SOCS7: variants seen among roughly 807,000 people sequenced by gnomAD.
SOCS7 encodes NAP-4.
SOCS7 carries 18 observed loss-of-function variants against 58.9 expected under a neutral mutation model. The observed-to-expected ratio is 0.31, with a 90% CI of 0.21 to 0.45. SOCS7 has a LOEUF of 0.45. Among genes scored for constraint, SOCS7 ranks in the 20% least tolerant of loss-of-function variants. SOCS7 has a pLI of 1.00. For missense variants in SOCS7, 667 were observed against 837.3 expected (o/e 0.80, Z 2.51); for synonymous variants, 388 against 364.3 (o/e 1.06, Z -0.74).
Position 38,401,271 on chromosome 17 carries a change from C to G in SOCS7, c.*1789C>G, listed in dbSNP as rs925512750. 18 of 152,066 alleles carry G rather than the reference C, an allele frequency of 1.2e-4. No homozygotes were observed. Among genetic ancestry groups the G allele is most frequent in the African/African-American group, 4.3e-4 (18 of 41,394 alleles). The allele number at this position is 152,066 out of a possible 1,614,324, so 9.4% of individuals were successfully genotyped here. On this transcript the variant is annotated 3_prime_UTR_variant, in exon 10 of 10. Coordinates refer to ENST00000612932, the MANE Select transcript of SOCS7 (RefSeq NM_014598.4). ...GTGGTACCTCTTCTTTCCTTGGCTT[C>G]CATGGTAGTATTATCAACTAAGCAA...
chr17:38,390,479 G>T (rs1211266913), intron 7 of SOCS7, among the ~76,000 whole-genome samples: 1 of 152,082 alleles, frequency 6.6e-6, no homozygotes, highest in Non-Finnish European at 1.5e-5. Context: ...CCCCATGTTG[G>T]CAAGAGTGTG....
intron 1 of SOCS7, among the ~76,000 whole-genome samples, chr17:38,359,938 C>A (rs1555567332): frequency 6.6e-6 from 1 of 151,694 alleles, no homozygotes; most frequent in Non-Finnish European, 1.5e-5. Flanking sequence ...CCACCACGCC[C>A]AGCTAATTTT....
At chr17:38,362,724 G>A (rs2037736177) in intron 2 of SOCS7, among the ~76,000 whole-genome samples, 1 of 152,176 alleles carries the variant, frequency 6.6e-6, no homozygotes, top group African/African-American at 2.4e-5. Context: ...TGGAGAAGGA[G>A]GTCTCTGTTC....
At chr17:38,391,540 A>G (rs2038173332) in intron 7 of SOCS7, among the ~76,000 whole-genome samples, 1 of 151,972 alleles carries the variant, frequency 6.6e-6, no homozygotes, top group Non-Finnish European at 1.5e-5. Context: ...ACTGTTGTGC[A>G]CCACAATGCC....
rs1384601548 is a variant in SOCS7, at chr17:38,352,982, G to T, written c.930G>T (p.Ala310=). 3 of 1,606,114 alleles carry T rather than the reference G, an allele frequency of 1.9e-6. No homozygotes were observed. The highest frequency in any genetic ancestry group is 2.5e-6 in the Non-Finnish European group (3 of 1,177,986). Residue 310 remains alanine, a synonymous_variant, in exon 1 of 10, where the codon GCG becomes GCT. Transcript: ENST00000612932. The surrounding 1 kb of genome is among the most constrained non-coding windows in gnomAD (Gnocchi z 5.5). ...CTGGAGAGCTGGCTGCTTCAGCTGC[G>T]AGCCTGACAGACATGGGAGGCTCTG... The part of the protein sequence containing the change: ...RPSGELAASA[A]SLTDMGGSAG...
chr17:38,369,754 C>T (rs985806195), intron 6 of SOCS7, among the ~76,000 whole-genome samples: 1 of 146,356 alleles, frequency 6.8e-6, no homozygotes, highest in African/African-American at 2.6e-5. Context: ...CGGCTCATTG[C>T]AGCCTCCACC....
chr17:38,393,071 A>C (rs1332990248), intron 7 of SOCS7, among the ~76,000 whole-genome samples: 1 of 151,986 alleles, frequency 6.6e-6, no homozygotes. Flanking sequence ...GTGCAGCGGC[A>C]CAATCTTGGC....
intron 7 of SOCS7, among the ~76,000 whole-genome samples, chr17:38,389,557 T>TTTA (rs1406428224): frequency 2.6e-5 from 4 of 152,164 alleles, no homozygotes; most frequent in African/African-American, 9.6e-5. Context: ...AATAAAGTTC[T>TTTA]TTATATATTC....
chr17:38,394,913 G>A (rs557610081), intron 7 of SOCS7, among the ~76,000 whole-genome samples: 92 of 152,244 alleles, frequency 6.0e-4, no homozygotes, highest in African/African-American at 2.2e-3. Flanking sequence ...ATCTGGGTAC[G>A]ATGGCATGCA....
intron 1 of SOCS7, among the ~76,000 whole-genome samples, chr17:38,358,382 T>C (rs587604967): frequency 6.6e-6 from 1 of 152,330 alleles, no homozygotes. Flanking sequence ...TCATTCCAAA[T>C]GGTTCATGTA....
intron 6 of SOCS7, among the ~76,000 whole-genome samples, chr17:38,369,673 A>C (rs1343805156): frequency 4.5e-4 from 61 of 134,820 alleles, no homozygotes; most frequent in African/African-American, 1.8e-3. Context: ...TTCTCCGATT[A>C]CTTTTTTTTT....
chr17:38,362,595 G>A (rs1555567730), intron 2 of SOCS7, among the ~76,000 whole-genome samples: 1 of 152,202 alleles, frequency 6.6e-6, no homozygotes, highest in Admixed American at 6.5e-5. Flanking sequence ...GAAGACTTAC[G>A]ATTTGGGAAT....
At chr17:38,360,634 G>A (rs1206364278) in intron 1 of SOCS7, among the ~76,000 whole-genome samples, 1 of 152,082 alleles carries the variant, frequency 6.6e-6, no homozygotes, top group African/African-American at 2.4e-5. Flanking sequence ...CCGCCTCCTG[G>A]GTTCACGCCG....
intron 2 of SOCS7, among the ~76,000 whole-genome samples, chr17:38,362,760 C>G (rs1040057744): frequency 1.2e-4 from 18 of 152,168 alleles, no homozygotes; most frequent in Admixed American, 7.2e-4. Context: ...ATTAAAAAAT[C>G]TTATCTTGCG....
At chr17:38,371,917 G>A (rs532569364) in intron 6 of SOCS7, among the ~76,000 whole-genome samples, 21 of 151,900 alleles carry the variant, frequency 1.4e-4, no homozygotes, top group African/African-American at 2.4e-4. Context: ...ATATGTTGGC[G>A]TGGGGTTTTA....
chr17:38,377,766 T>C lies in SOCS7; in HGVS notation c.1605T>C (p.Val535=), dbSNP rs1426241896. The C allele has an allele frequency of 6.2e-7, 1 of 1,613,822 alleles. No individual in the cohort carries two copies. Among genetic ancestry groups the C allele is most frequent in the South Asian group, 1.1e-5 (1 of 91,018 alleles). ...HPKFEDRCQS[V]VEFIKRAIMH... ...AGTTTGAGGACCGCTGTCAATCTGT[T>C]GTAGAGTTTATTAAGAGAGCCATTA... The change falls in exon 7 of 10, where the codon GTT becomes GTC. Residue 535 remains valine (V), a synonymous_variant. Transcript: ENST00000612932.
intron 7 of SOCS7, among the ~76,000 whole-genome samples, chr17:38,389,892 T>TATATGTACATATATATATATATGTAC (rs2038141004): frequency 1.1e-5 from 1 of 93,320 alleles, no homozygotes; most frequent in African/African-American, 6.3e-5. Context: ...TGTACATATA[T>TATATGTACATATATATATATATGTAC]ATATATACAC....
In SOCS7 at chr17:38,352,011, C is replaced by G. The variant is rs2144298055; in HGVS notation, c.-42C>G. Among the ~76,000 whole-genome samples, 1 of 151,190 alleles carries G rather than the reference C, an allele frequency of 6.6e-6. No homozygotes were observed. Among genetic ancestry groups the G allele is most frequent in the East Asian group, 2.0e-4 (1 of 5,116 alleles). On this transcript the variant is annotated 5_prime_UTR_variant, in exon 1 of 10. Coordinates refer to ENST00000612932, the MANE Select transcript of SOCS7 (RefSeq NM_014598.4). The surrounding 1 kb of genome is among the most constrained non-coding windows in gnomAD (Gnocchi z 5.5). ...GGCGGGGCCCGGCCTAGTCCCCACC[C>G]CAGCCCGGCTCCCAGCCGCCCGCCC...
At position 38,400,350 on chromosome 17, in the gene SOCS7, C is replaced by T. The variant is rs1004626523; in HGVS notation, c.*868C>T. On this transcript the variant is annotated 3_prime_UTR_variant, in exon 10 of 10. Coordinates refer to ENST00000612932, the MANE Select transcript of SOCS7 (RefSeq NM_014598.4). ...TGCTTCTGCCAGCTGTCATGGCAAT[C>T]GTGTTTCCCATCACCTGGGCGGTTC... The T allele has an allele frequency of 2.0e-5, 3 of 152,234 alleles. No homozygotes were observed. Among genetic ancestry groups the T allele is most frequent in the Non-Finnish European group, 2.9e-5 (2 of 68,056 alleles). 9.4% of individuals were successfully genotyped at this position (152,234 alleles called of 1,614,324 possible). A position where few individuals can be genotyped will look rare whatever the true frequency, so the allele number is the denominator to read the frequency against.
Sources: allele counts gnomAD v4.1 joint callset (sites outside exome capture counted in the v4.1 genomes callset), GRCh38; gene constraint gnomAD v4.1.1; non-coding constraint Gnocchi (gnomAD v3.1); transcripts MANE v1.5; gene names NCBI Gene and HGNC (gene_info 2026-07-23, HGNC 2026-07-21).